The following TBL1XR1 variants were observed in gnomAD, a reference collection of about 807,000 sequenced individuals.
The protein encoded by TBL1XR1 is TBL1X/Y related 1, also known as F-box-like/WD repeat-containing protein TBL1XR1.
A neutral mutation model predicts 66.9 loss-of-function variants in TBL1XR1; 5 were observed. The ratio of observed to expected loss-of-function variants is 0.07; its 90% CI spans 0.04 to 0.16. The LOEUF (loss-of-function observed/expected upper bound fraction) is 0.16. Among genes scored for constraint, TBL1XR1 ranks in the 10% least tolerant of loss-of-function variants. The pLI, the probability that TBL1XR1 is intolerant of heterozygous loss-of-function variation, is 1.00. For missense variants in TBL1XR1, 238 were observed against 623.2 expected (o/e 0.38, Z 6.58); for synonymous variants, 210 against 206.0 (o/e 1.02, Z -0.17).
intron 1 of TBL1XR1, among the ~76,000 whole-genome samples, chr3:177,123,733 T>C (rs1207314805): frequency 6.6e-6 from 1 of 152,106 alleles, no homozygotes; most frequent in Non-Finnish European, 1.5e-5. Context: ...AAACATATGA[T>C]TCAAACATAC....
rs1225430158 is a variant in TBL1XR1 at position 177,070,281 on chromosome 3, T to C, written c.-45-5259A>G. Among the ~76,000 whole-genome samples the C allele has an allele frequency of 3.3e-5, 5 of 152,168 alleles. No homozygotes were observed. In the East Asian group the frequency reaches 7.7e-4, roughly 23 times the overall value. ...CATTGACTTCAACTTCCTAAATGTATAAAAGTGATTATTTACACAGATTAT... is the reference window on the plus strand; with the variant it reads ...CATTGACTTCAACTTCCTAAATGTACAAAAGTGATTATTTACACAGATTAT... On this transcript the variant is annotated intron_variant, in intron 2 of 15. Transcript: ENST00000457928.
chr3:177,127,853 T>A (rs1479932389), intron 1 of TBL1XR1, among the ~76,000 whole-genome samples: 1 of 152,228 alleles, frequency 6.6e-6, no homozygotes, highest in East Asian at 1.9e-4. Flanking sequence ...CAGTGTGAAT[T>A]GTTCCATTAC....
chr3:177,181,999 G>C (rs1029304491), intron 1 of TBL1XR1, among the ~76,000 whole-genome samples: 1 of 151,958 alleles, frequency 6.6e-6, no homozygotes, highest in African/African-American at 2.4e-5. Context: ...GTTTCCCCTA[G>C]CAAGTTCTAC....
chr3:177,197,423 G>C lies in TBL1XR1; in HGVS notation c.-424C>G, dbSNP rs985296149. 29 of 146,126 alleles carry C rather than the reference G, an allele frequency of 2.0e-4. No individual in the cohort carries two copies. Among genetic ancestry groups the C allele is most frequent in the African/African-American group, 6.7e-4 (27 of 40,276 alleles). The allele number at this position is 146,126 out of a possible 1,614,324, so 9.1% of individuals were successfully genotyped here. On this transcript the variant is annotated 5_prime_UTR_variant, in exon 1 of 16. Transcript: ENST00000457928. ...CGGCGCGCGGGGGAAGGGCGCGAGC[G>C]GGGAGAGGAATTGAGGCAGAAGGTA...
chr3:177,082,731 A>AT (rs1721557309), intron 2 of TBL1XR1, among the ~76,000 whole-genome samples: 1 of 28,382 alleles, frequency 3.5e-5, no homozygotes, highest in Non-Finnish European at 7.4e-5. Context: ...AATTTCTAAG[A>AT]TAGAGATTAT....
At chr3:177,129,598 G>T (rs2108780958) in intron 1 of TBL1XR1, among the ~76,000 whole-genome samples, 1 of 152,270 alleles carries the variant, frequency 6.6e-6, no homozygotes, top group Middle Eastern at 3.4e-3. Context: ...ATAGAGTAAT[G>T]ACTGGTATAG....
chr3:177,150,754 T>C (rs1730791001), intron 1 of TBL1XR1, among the ~76,000 whole-genome samples: 1 of 152,206 alleles, frequency 6.6e-6, no homozygotes, highest in African/African-American at 2.4e-5. Flanking sequence ...GAGCAGGCTC[T>C]AACAGAAAGT....
intron 1 of TBL1XR1, among the ~76,000 whole-genome samples, chr3:177,127,508 T>C (rs929722472): frequency 2.6e-5 from 4 of 152,250 alleles, no homozygotes; most frequent in African/African-American, 9.6e-5. Flanking sequence ...GCAATCATTG[T>C]TGTTACTTGC....
intron 1 of TBL1XR1, among the ~76,000 whole-genome samples, chr3:177,172,284 T>C (rs967039254): frequency 4.3e-5 from 6 of 139,926 alleles, no homozygotes; most frequent in Admixed American, 4.2e-4. Context: ...AAAAAAATTA[T>C]AACCCTTATA....
chr3:177,081,725 A>G (rs1721416333), intron 2 of TBL1XR1, among the ~76,000 whole-genome samples: 1 of 144,810 alleles, frequency 6.9e-6, no homozygotes. Flanking sequence ...CTGACTAGAT[A>G]AGGCAAGACC....
chr3:177,183,761 GA>G (rs1385358388), intron 1 of TBL1XR1, among the ~76,000 whole-genome samples: 1 of 150,064 alleles, frequency 6.7e-6, no homozygotes, highest in Non-Finnish European at 1.5e-5. Flanking sequence ...CACTGCGCCC[GA>G]CCAAAAAACT....
At chr3:177,120,894 T>C (rs1726907304) in intron 1 of TBL1XR1, 1 of 152,200 alleles carries the variant, frequency 6.6e-6, no homozygotes, top group African/African-American at 2.4e-5. Context: ...AAGACAGGAA[T>C]TTACTGGTCA....
At chr3:177,072,134 A>G (rs1577080061) in intron 2 of TBL1XR1, among the ~76,000 whole-genome samples, 2 of 152,350 alleles carry the variant, frequency 1.3e-5, no homozygotes, top group East Asian at 3.9e-4. Flanking sequence ...AAAGACACAC[A>G]GCAATGTACT....
intron 1 of TBL1XR1, among the ~76,000 whole-genome samples, chr3:177,162,202 A>G (rs1205424001): frequency 6.6e-6 from 1 of 152,240 alleles, no homozygotes; most frequent in Non-Finnish European, 1.5e-5. Flanking sequence ...AGAGTAAAAT[A>G]GATAGTAGTA....
intron 1 of TBL1XR1, among the ~76,000 whole-genome samples, chr3:177,190,892 G>A (rs1203363803): frequency 2.0e-5 from 3 of 152,138 alleles, no homozygotes; most frequent in South Asian, 4.1e-4. Flanking sequence ...AAGAAACATC[G>A]TAGTTGGGGC....
intron 1 of TBL1XR1, among the ~76,000 whole-genome samples, chr3:177,170,744 A>G (rs958753446): frequency 6.6e-6 from 1 of 152,110 alleles, no homozygotes; most frequent in African/African-American, 2.4e-5. Flanking sequence ...ACCTGGGAAT[A>G]CAGGCATGCA....
chr3:177,142,621 T>G (rs778098333), intron 1 of TBL1XR1, among the ~76,000 whole-genome samples: 10 of 152,178 alleles, frequency 6.6e-5, no homozygotes, highest in Non-Finnish European at 1.2e-4. Context: ...TTAACACTAT[T>G]GAACTATACA....
In TBL1XR1 at chr3:177,068,086, A is replaced by G. The variant is rs182487542; in HGVS notation, c.-45-3064T>C. 1.2e-3 allele frequency among the ~76,000 whole-genome samples: 180 copies of G among 152,348 alleles called. 2 individuals carry two copies. Among genetic ancestry groups the G allele is most frequent in the Admixed American group, 4.4e-3 (68 of 15,314 alleles). On this transcript the variant is annotated intron_variant, in intron 2 of 15. Coordinates refer to ENST00000457928, the MANE Select transcript of TBL1XR1 (RefSeq NM_024665.7). ...CCAGGTATCAGGCCTGATGAAGAGT[A>G]TATCATGCATAAATGAAGTCCTGCC...
intron 1 of TBL1XR1, among the ~76,000 whole-genome samples, chr3:177,168,057 T>C (rs907105329): frequency 6.6e-6 from 1 of 152,214 alleles, no homozygotes; most frequent in Non-Finnish European, 1.5e-5. Context: ...ACTTTCAGCA[T>C]CTTTTCAGTT....
Sources: gnomAD v4.1 joint callset for allele counts (sites outside exome capture counted in the v4.1 genomes callset) on GRCh38, gnomAD v4.1.1 for gene constraint, MANE v1.5 for transcripts, NCBI Gene and HGNC (gene_info 2026-07-23, HGNC 2026-07-21) for gene names.